Variants in TTK observed in about 807,000 individuals in gnomAD.
TTK encodes TTK protein kinase.
In TTK, 59 loss-of-function variants were observed where a neutral mutation model predicts 117.3. That is an observed-to-expected ratio of 0.50 (90% confidence interval 0.41 to 0.62). The LOEUF is 0.62. TTK is among the 20% of genes least tolerant of loss of function. The pLI, the probability that TTK is intolerant of heterozygous loss-of-function variation, is 0.00. For synonymous variants in TTK, 302 were observed against 325.0 expected (o/e 0.93, Z 0.76); for missense variants, 921 against 989.4 (o/e 0.93, Z 0.93).
rs1767999683 is a variant in TTK at position 80,039,839 on chromosome 6, T to A, written c.2274T>A (p.Asp758Glu). The A allele has an allele frequency of 5.0e-6, 8 of 1,584,198 alleles. No individual in the cohort carries two copies. The highest frequency in any genetic ancestry group is 6.9e-6 in the Non-Finnish European group (8 of 1,167,774). ...CTAATCATGAAATTGAATTTCCCGATATTCCAGAGAAAGATCTTCAAGATG... is the reference window on the plus strand; with the variant it reads ...CTAATCATGAAATTGAATTTCCCGAAATTCCAGAGAAAGATCTTCAAGATG... ...IDPNHEIEFP[D>E]IPEKDLQDVL... is the part of the protein sequence containing the mutation. Residue 758 changes from aspartate (D) to glutamate (E), a missense_variant, in exon 19 of 22, where the codon GAT becomes GAA. By Grantham distance (45) the Asp-to-Glu change is conservative. Transcript: ENST00000369798.
chr6:80,010,775 T>TAAAGAC lies in TTK; in HGVS notation c.470-39_470-38insAAAGAC, dbSNP rs755372071. 3.5e-4 allele frequency: 341 copies of TAAAGAC among 971,782 alleles called. 2 individuals carry two copies. Among genetic ancestry groups the TAAAGAC allele is most frequent in the Non-Finnish European group, 5.9e-5 (41 of 699,222 alleles). 60.2% of individuals were successfully genotyped at this position (971,782 alleles called of 1,614,324 possible). ...CTGGGTGGTCTGGGTGGTGGGCATT[T>TAAAGAC]TACTGCCTAAAAATGACAATTATCT... On this transcript the variant is annotated intron_variant, in intron 4 of 21. Transcript: ENST00000369798.
chr6:80,011,712 A>G lies in TTK; in HGVS notation c.729-17A>G, dbSNP rs761667466. The G allele has an allele frequency of 1.5e-5, 24 of 1,611,034 alleles. No homozygotes were observed. The South Asian group carries it at 2.4e-4, about 16-fold the overall frequency. On this transcript the variant is annotated splice_polypyrimidine_tract_variant and intron_variant, in intron 6 of 21. Transcript: ENST00000369798. ...TATTGTTCTTTGAAAAATTGGGGGT[A>G]TTTTCTTTCTGTTTAGAGAGAACAT...
intron 10 of TTK, among the ~76,000 whole-genome samples, chr6:80,021,651 G>A (rs531786065): frequency 1.3e-5 from 2 of 152,300 alleles, no homozygotes; most frequent in Admixed American, 6.5e-5. Context: ...AGTGGTGCAG[G>A]TCTGAATGTC....
intron 8 of TTK, among the ~76,000 whole-genome samples, chr6:80,012,522 A>G (rs1316638639): frequency 6.6e-6 from 1 of 152,012 alleles, no homozygotes; most frequent in Admixed American, 6.6e-5. Flanking sequence ...AGAAATGGGA[A>G]TGTAGCCTGT....
intron 10 of TTK, 125 bp from the exon 11 acceptor site, chr6:80,022,199 C>G: frequency 1.9e-6 from 2 of 1,061,246 alleles, no homozygotes; most frequent in South Asian, 4.3e-5. Context: ...CTTTTAGTTT[C>G]TCTCCCTCCT....
At chr6:80,022,995 G>A (rs900742555) in intron 11 of TTK, among the ~76,000 whole-genome samples, 1 of 152,112 alleles carries the variant, frequency 6.6e-6, no homozygotes, top group African/African-American at 2.4e-5. Flanking sequence ...CCTAGACAAC[G>A]TACATGAATT....
In TTK at chr6:80,005,855, G is replaced by C; in HGVS notation, c.12G>C (p.Glu4Asp). Reference sequence around the variant, plus strand: ...TTTTTTTCTTAGAAATGGAATCCGAGGATTTAAGTGGCAGAGAATTGACAA... The same window carrying C: ...TTTTTTTCTTAGAAATGGAATCCGACGATTTAAGTGGCAGAGAATTGACAA... MES[E>D]DLSGRELTID... The change falls in exon 2 of 22, where the codon GAG becomes GAC. Residue 4 changes from glutamate (E) to aspartate (D), a missense_variant. Physicochemically the swap from Glu to Asp is conservative, Grantham distance 45. Coordinates refer to ENST00000369798, the MANE Select transcript of TTK (RefSeq NM_003318.5). 3 of 1,612,048 alleles carry C rather than the reference G, an allele frequency of 1.9e-6. No individual in the cohort carries two copies. The highest frequency in any genetic ancestry group is 2.5e-6 in the Non-Finnish European group (3 of 1,179,460).
chr6:80,011,542 T>C lies in TTK; in HGVS notation c.722T>C (p.Leu241Ser), dbSNP rs751245021. 9.4e-6 allele frequency: 15 copies of C among 1,599,870 alleles called. No homozygotes were observed. Among genetic ancestry groups the C allele is most frequent in the Non-Finnish European group, 1.2e-5 (14 of 1,175,578 alleles). The stretch of plus-strand genomic sequence containing the variant: ...GGACAGACTACTAAAGCCAGGTTTT[T>C]ATATGGGTAAGGAAACGGAAACAGT... The part of the protein sequence containing the change: ...SRGQTTKARF[L>S]YGENMPPQDA... The change falls in exon 6 of 22, where the codon TTA (leucine) becomes TCA (serine). Residue 241 changes from leucine (L) to serine (S), a missense_variant. Physicochemically the swap from Leu to Ser is moderately radical, Grantham distance 145. Transcript: ENST00000369798.
In TTK at chr6:80,010,799, C is replaced by T. The variant is rs201398219; in HGVS notation, c.470-15C>T. 6.3e-7 allele frequency: 1 copy of T among 1,599,958 alleles called. No individual in the cohort carries two copies. Among genetic ancestry groups the T allele is most frequent in the Non-Finnish European group, 8.5e-7 (1 of 1,171,462 alleles). On this transcript the variant is annotated splice_polypyrimidine_tract_variant and intron_variant, in intron 4 of 21. Transcript: ENST00000369798. The stretch of plus-strand genomic sequence containing the variant: ...TTTACTGCCTAAAAATGACAATTAT[C>T]TTTTGCTTTGTTAGGTAATGTCAAA...
At chr6:80,038,177 G>T (rs1767957133) in intron 18 of TTK, 130 bp downstream of exon 18, 1 of 479,878 alleles carries the variant, frequency 2.1e-6, no homozygotes, top group Non-Finnish European at 3.5e-6. Context: ...AGACATTGCT[G>T]GTTTTTTTCG....
intron 12 of TTK, among the ~76,000 whole-genome samples, chr6:80,026,899 G>A (rs1217091225): frequency 6.6e-6 from 1 of 152,140 alleles, no homozygotes; most frequent in African/African-American, 2.4e-5. Context: ...CATAAGTGGT[G>A]TTAATTGGAA....
chr6:80,028,491 T>C (rs1767668666), intron 13 of TTK, among the ~76,000 whole-genome samples: 1 of 151,886 alleles, frequency 6.6e-6, no homozygotes, highest in African/African-American at 2.4e-5. Context: ...CTAATTTTTG[T>C]ATTTTTACTA....
rs769590044 is a variant in TTK at position 80,038,028 on chromosome 6, A to G, written c.2111A>G (p.Asn704Ser). 1.4e-5 allele frequency: 23 copies of G among 1,609,248 alleles called. No homozygotes were observed. In the East Asian group the frequency reaches 3.4e-4, roughly 23 times the overall value. The change falls in exon 18 of 22, where the codon AAT (asparagine) becomes AGT (serine). Residue 704 changes from asparagine to serine, a missense_variant. Transcript: ENST00000369798. ...AIKDMSSSRE[N>S]GKSKSKISPK... Reference sequence around the variant, plus strand: ...AAAGATATGTCTTCCTCCAGAGAGAATGGGAAATCTAAGTCAAAGGTACTG... The same window carrying G: ...AAAGATATGTCTTCCTCCAGAGAGAGTGGGAAATCTAAGTCAAAGGTACTG...
chr6:80,010,718 A>AT lies in TTK; in HGVS notation c.470-87dup, dbSNP rs199675925. ...AAATATTTTTGCTTAAGTCTTTTTG[A>AT]TTTTTTTTTCTAGGTCCTGATGAAT... On this transcript the variant is annotated intron_variant, in intron 4 of 21. Coordinates refer to ENST00000369798, the MANE Select transcript of TTK (RefSeq NM_003318.5). The AT allele has an allele frequency of 2.3e-3, 2,853 of 1,267,500 alleles. 18 individuals are homozygous for AT. The African/African-American group carries it at 0.024, about 11-fold the overall frequency. The allele number at this position is 1,267,500 out of a possible 1,614,324, so 78.5% of individuals were successfully genotyped here. A position where few individuals can be genotyped will look rare whatever the true frequency, so the allele number is the denominator to read the frequency against.
intron 13 of TTK, among the ~76,000 whole-genome samples, chr6:80,028,464 C>T (rs942498968): frequency 6.6e-6 from 1 of 151,738 alleles, no homozygotes; most frequent in Non-Finnish European, 1.5e-5. Context: ...ATTACAGGCA[C>T]GCACCACCAC....
intron 11 of TTK, among the ~76,000 whole-genome samples, chr6:80,023,854 G>A (rs934497430): frequency 6.6e-6 from 1 of 152,116 alleles, no homozygotes; most frequent in African/African-American, 2.4e-5. Flanking sequence ...AGTGAGAAAG[G>A]TAAATATTGT....
chr6:80,031,574 A>G lies in TTK; in HGVS notation c.1614+15A>G. The G allele has an allele frequency of 6.9e-7, 1 of 1,451,646 alleles. No homozygotes were observed. 89.9% of individuals were successfully genotyped at this position (1,451,646 alleles called of 1,614,324 possible). A position where few individuals can be genotyped will look rare whatever the true frequency, so the allele number is the denominator to read the frequency against. ...GTTCAAGCAAGGTAAGTATCTTAAAATATTTACGAAATAAATAAAAATATT... is the reference window on the plus strand; with the variant it reads ...GTTCAAGCAAGGTAAGTATCTTAAAGTATTTACGAAATAAATAAAAATATT... On this transcript the variant is annotated intron_variant, in intron 14 of 21. Transcript: ENST00000369798.
intron 2 of TTK, among the ~76,000 whole-genome samples, chr6:80,006,641 A>G (rs1767002517): frequency 6.6e-6 from 1 of 152,196 alleles, no homozygotes; most frequent in African/African-American, 2.4e-5. Context: ...TCATAGGAAT[A>G]CTAGCATGAT....
chr6:80,011,940 G>C lies in TTK; in HGVS notation c.856G>C (p.Val286Leu). The C allele has an allele frequency of 1.2e-6, 2 of 1,612,184 alleles. No individual in the cohort carries two copies. The highest frequency in any genetic ancestry group is 2.2e-5 in the South Asian group (2 of 90,848). The change falls in exon 8 of 22, where the codon GTG becomes CTG. Residue 286 changes from valine to leucine, a missense_variant. Physicochemically the swap from Val to Leu is conservative, Grantham distance 32. Coordinates refer to ENST00000369798, the MANE Select transcript of TTK (RefSeq NM_003318.5). ...CCTTCTAAATAGCCCAGATTGTGATGTGAAGACAGATGATTCAGTTGTACC... is the reference window on the plus strand; with the variant it reads ...CCTTCTAAATAGCCCAGATTGTGATCTGAAGACAGATGATTCAGTTGTACC... ...VNLLNSPDCD[V>L]KTDDSVVPCF...
Sources: gnomAD v4.1 joint callset for allele counts (sites outside exome capture counted in the v4.1 genomes callset) on GRCh38, gnomAD v4.1.1 for gene constraint, MANE v1.5 for transcripts, NCBI Gene and HGNC (gene_info 2026-07-23, HGNC 2026-07-21) for gene names.